VPS13C: variants seen among roughly 807,000 people sequenced by gnomAD.
VPS13C encodes the protein vacuolar protein sorting 13 homolog C, also known as intermembrane lipid transfer protein VPS13C.
A neutral mutation model predicts 456.8 loss-of-function variants in VPS13C; 358 were observed. The ratio of observed to expected loss-of-function variants is 0.78; its 90% CI spans 0.72 to 0.86. The LOEUF (loss-of-function observed/expected upper bound fraction) is 0.86, where lower values mean the gene tolerates loss of function less well. VPS13C is among the 40% of genes least tolerant of loss of function. The probability of loss-of-function intolerance (pLI) is 0.00; values close to 1 mark genes in which losing one functional copy is unlikely to be tolerated. For synonymous variants in VPS13C, 1,578 were observed against 1,486.7 expected (o/e 1.06, Z -1.41); for missense variants, 4,818 against 4,385.4 (o/e 1.10, Z -2.79).
intron 5 of VPS13C, among the ~76,000 whole-genome samples, chr15:62,030,976 T>C (rs1280925697): frequency 6.6e-6 from 1 of 152,108 alleles, no homozygotes; most frequent in African/African-American, 2.4e-5. Context: ...GTACAGAATC[T>C]AGCATTTGCG....
chr15:61,878,693 T>C lies in VPS13C; in HGVS notation c.10056A>G (p.Lys3352=). The change falls in exon 74 of 85, where the codon AAA becomes AAG. Residue 3352 remains lysine (K), a synonymous_variant. Transcript: ENST00000644861. ...CAGAATGAACTGCAAACATTTCCTGTTTTTCTTTGTCTGATTCTTCACCTC... is the reference window on the plus strand; with the variant it reads ...CAGAATGAACTGCAAACATTTCCTGCTTTTCTTTGTCTGATTCTTCACCTC... ...GSGGEESDKE[K]QEMFAVHSVN... The C allele has an allele frequency of 6.2e-7, 1 of 1,611,458 alleles. No individual in the cohort carries two copies. The highest frequency in any genetic ancestry group is 8.5e-7 in the Non-Finnish European group (1 of 1,178,736).
intron 66 of VPS13C, among the ~76,000 whole-genome samples, chr15:61,904,478 T>TA (rs750420390): frequency 0.013 from 1,680 of 131,924 alleles, 32 homozygotes; most frequent in African/African-American, 0.041. Context: ...AGGCTTTAAT[T>TA]AAAAAAAAAA....
Position 61,991,054 on chromosome 15 carries a change from G to A in VPS13C, c.1524C>T (p.Leu508=), listed in dbSNP as rs762891411. Residue 508 remains leucine (L), a synonymous_variant, in exon 18 of 85, where the codon CTC becomes CTT. Transcript: ENST00000644861. The stretch of plus-strand genomic sequence containing the variant: ...TCTCACTATAACCAATGGCAGTGAA[G>A]AGTTTATCTTTTTCCTCTGGAGTCA... ...DLMTPEEKDK[L]FTAIGYSEST... The A allele has an allele frequency of 3.1e-6, 5 of 1,612,524 alleles. No homozygotes were observed. The East Asian group carries it at 1.1e-4, about 36-fold the overall frequency.
At chr15:61,861,957 G>A (rs1031292837) in intron 82 of VPS13C, among the ~76,000 whole-genome samples, 1 of 152,098 alleles carries the variant, frequency 6.6e-6, no homozygotes, top group Non-Finnish European at 1.5e-5. Context: ...AAAATTAGCT[G>A]GGCATAGTGG....
rs777695672 is a variant in VPS13C, at chr15:61,913,355, T to A, written c.8506A>T (p.Ser2836Cys). Reference sequence around the variant, plus strand: ...GCAGGACACTTCACACACCCATAACTTCCCACTGTATCCAATGAGAAACTA... The same window carrying A: ...GCAGGACACTTCACACACCCATAACATCCCACTGTATCCAATGAGAAACTA... Reference protein sequence around the residue: ...SSSFSLDTVGSYGCVKCPANN... With the variant: ...SSSFSLDTVGCYGCVKCPANN... Residue 2836 changes from serine to cysteine, a missense_variant, in exon 62 of 85, where the codon AGT becomes TGT. Around this residue, in one of 3 missense-constraint regions of VPS13C, gnomAD observed 4,552 missense variants for 4,130.6 expected, o/e 1.10. Transcript: ENST00000644861. 2 of 1,614,092 alleles carry A rather than the reference T, an allele frequency of 1.2e-6. No homozygotes were observed. The highest frequency in any genetic ancestry group is 1.7e-6 in the Non-Finnish European group (2 of 1,179,982).
chr15:61,883,497 C>G (rs764137109), intron 68 of VPS13C, among the ~76,000 whole-genome samples: 5 of 152,082 alleles, frequency 3.3e-5, no homozygotes, highest in Non-Finnish European at 7.4e-5. Flanking sequence ...CATCAGGCAA[C>G]AATGACAAAG....
intron 83 of VPS13C, among the ~76,000 whole-genome samples, chr15:61,855,472 T>C (rs1893854173): frequency 1.3e-5 from 2 of 152,170 alleles, no homozygotes; most frequent in Non-Finnish European, 2.9e-5. Context: ...GTAGTAATGC[T>C]GAAATACAAA....
intron 16 of VPS13C, among the ~76,000 whole-genome samples, chr15:61,995,501 C>T (rs1462784568): frequency 6.6e-6 from 1 of 152,162 alleles, no homozygotes; most frequent in Non-Finnish European, 1.5e-5. Context: ...ATTCTGTGTA[C>T]AATGTGTATG....
chr15:61,950,062 C>CA (rs906486077), intron 41 of VPS13C, among the ~76,000 whole-genome samples: 1 of 152,024 alleles, frequency 6.6e-6, no homozygotes, highest in African/African-American at 2.4e-5. Context: ...AACGCTAGGC[C>CA]AAAAAACCAC....
At chr15:61,953,193 T>C (rs1292761307) in intron 38 of VPS13C, among the ~76,000 whole-genome samples, 1 of 152,012 alleles carries the variant, frequency 6.6e-6, no homozygotes, top group Non-Finnish European at 1.5e-5. Context: ...CCCCAGACCC[T>C]TTCCTGATCC....
rs776534224 is a variant in VPS13C at position 61,872,027 on chromosome 15, A to G, written c.10586T>C (p.Val3529Ala). The change falls in exon 79 of 85, where the codon GTT becomes GCT. Residue 3529 changes from valine to alanine, a missense_variant. By Grantham distance (64) the Val-to-Ala change is moderately conservative. Around this residue, in one of 3 missense-constraint regions of VPS13C, gnomAD observed 4,552 missense variants for 4,130.6 expected, o/e 1.10. Coordinates refer to ENST00000644861, the MANE Select transcript of VPS13C (RefSeq NM_020821.3). Reference protein sequence around the residue: ...RGGKGFLRGVVGGVTGIITKP... With the variant: ...RGGKGFLRGVAGGVTGIITKP... Reference sequence around the variant, plus strand: ...TGTTATTATTCCAGTCACTCCACCAACAACTCCCTGAAAGAGAAATCAATC... The same window carrying G: ...TGTTATTATTCCAGTCACTCCACCAGCAACTCCCTGAAAGAGAAATCAATC... 1.9e-6 allele frequency: 3 copies of G among 1,612,446 alleles called. No individual in the cohort carries two copies. The highest frequency in any genetic ancestry group is 2.7e-5 in the African/African-American group (2 of 74,840).
chr15:61,967,548 A>G lies in VPS13C; in HGVS notation c.2912-101T>C, dbSNP rs1040783998. 10 of 915,154 alleles carry G rather than the reference A, an allele frequency of 1.1e-5. No individual in the cohort carries two copies. In the Admixed American group the frequency reaches 1.4e-4, roughly 13 times the overall value. 56.7% of individuals were successfully genotyped at this position (915,154 alleles called of 1,614,324 possible). A position where few individuals can be genotyped will look rare whatever the true frequency, so the allele number is the denominator to read the frequency against. On this transcript the variant is annotated intron_variant, in intron 28 of 84. Coordinates refer to ENST00000644861, the MANE Select transcript of VPS13C (RefSeq NM_020821.3). ...AAAAATTTGTTAATTAAGCTTTAAA[A>G]GAAAATCTTTGCATATTGTCATAGC...
intron 29 of VPS13C, among the ~76,000 whole-genome samples, chr15:61,966,737 A>C (rs1385077345): frequency 6.6e-6 from 1 of 151,892 alleles, no homozygotes; most frequent in Non-Finnish European, 1.5e-5. Context: ...TTTCTTTATT[A>C]GGGAATCAAT....
rs746463103 is a variant in VPS13C at position 61,958,731 on chromosome 15, G to GT, written c.4057-16dup. The GT allele has an allele frequency of 1.2e-5, 15 of 1,301,210 alleles. No homozygotes were observed. Among genetic ancestry groups the GT allele is most frequent in the Admixed American group, 5.3e-5 (2 of 37,928 alleles). 80.6% of individuals were successfully genotyped at this position (1,301,210 alleles called of 1,614,324 possible). A position where few individuals can be genotyped will look rare whatever the true frequency, so the allele number is the denominator to read the frequency against. On this transcript the variant is annotated splice_polypyrimidine_tract_variant and intron_variant, in intron 36 of 84. Transcript: ENST00000644861. ...TTTAGACTAACCTGTAAAATATTAT[G>GT]TTAAAAAAAAAACTATATTACGTTT... is the stretch of plus-strand genomic sequence containing the variant.
intron 16 of VPS13C, among the ~76,000 whole-genome samples, chr15:61,994,444 G>C (rs1765265099): frequency 6.6e-6 from 1 of 152,106 alleles, no homozygotes; most frequent in Non-Finnish European, 1.5e-5. Flanking sequence ...CTTGTACCTT[G>C]GGGAATTTGC....
intron 15 of VPS13C, among the ~76,000 whole-genome samples, chr15:62,003,393 T>C (rs2046708491): frequency 1.3e-5 from 2 of 151,926 alleles, no homozygotes; most frequent in Admixed American, 1.3e-4. Flanking sequence ...TTGCTGAAGT[T>C]GCTTATCAGC....
intron 83 of VPS13C, among the ~76,000 whole-genome samples, chr15:61,855,371 A>G (rs1233888025): frequency 6.6e-6 from 1 of 152,190 alleles, no homozygotes; most frequent in African/African-American, 2.4e-5. Context: ...TGAGGAAACT[A>G]TAAAATATAT....
rs1490260392 is a variant in VPS13C, at chr15:62,035,058, G to A, written c.188-6C>T. 5.0e-6 allele frequency: 8 copies of A among 1,588,654 alleles called. No individual in the cohort carries two copies. In the Admixed American group the frequency reaches 1.0e-4, roughly 20 times the overall value. ...AATCTTCAAAGTTAATTTATCTAAG[G>A]AAACATAATTTCAACCTTAAATTAT... On this transcript the variant is annotated splice_region_variant and splice_polypyrimidine_tract_variant and intron_variant, in intron 3 of 84. Transcript: ENST00000644861.
intron 1 of VPS13C, among the ~76,000 whole-genome samples, chr15:62,059,177 ACTT>A (rs1240260033): frequency 6.6e-6 from 1 of 152,198 alleles, no homozygotes; most frequent in African/African-American, 2.4e-5. Context: ...TTTTTCTCCT[ACTT>A]CATTAGGAGT....
Sources: allele counts gnomAD v4.1 joint callset (sites outside exome capture counted in the v4.1 genomes callset), GRCh38; gene constraint gnomAD v4.1.1; regional missense constraint gnomAD v4.1.1; transcripts MANE v1.5; gene names NCBI Gene and HGNC (gene_info 2026-07-23, HGNC 2026-07-21).